Variants in PLEKHD1 observed in about 807,000 individuals in gnomAD.
The protein encoded by PLEKHD1 is pleckstrin homology and coiled-coil domain containing D1, also known as pleckstrin homology domain-containing family D member 1.
In PLEKHD1, 51 loss-of-function variants were observed where a neutral mutation model predicts 69.2. The ratio of observed to expected loss-of-function variants is 0.74; its 90% CI spans 0.59 to 0.93. PLEKHD1 has a LOEUF of 0.93. Among genes scored for constraint, PLEKHD1 ranks in the 40% least tolerant of loss-of-function variants. PLEKHD1 has a pLI of 0.00. For synonymous variants in PLEKHD1, 236 were observed against 244.7 expected (o/e 0.96, Z 0.33); for missense variants, 584 against 641.0 (o/e 0.91, Z 0.96).
chr14:69,471,267 G>T, the PLEKHD1 span, among the ~76,000 whole-genome samples: 7 of 151,444 alleles, frequency 4.6e-5, no homozygotes, highest in Non-Finnish European at 8.8e-5. Flanking sequence ...CACCACTCCC[G>T]ACTGATTTTT....
At chr14:69,511,489 T>C (rs1462391797) in intron 6 of PLEKHD1, among the ~76,000 whole-genome samples, 1 of 152,120 alleles carries the variant, frequency 6.6e-6, no homozygotes, top group Non-Finnish European at 1.5e-5. Flanking sequence ...AATATTTTGT[T>C]GAAAATTTTT....
At position 69,528,121 on chromosome 14, in the gene PLEKHD1, G is replaced by T. The variant is rs769367446; in HGVS notation, c.1352-129G>T. The T allele has an allele frequency of 7.8e-6, 11 of 1,405,494 alleles. No individual in the cohort carries two copies. The Admixed American group carries it at 1.6e-4, about 20-fold the overall frequency. The allele number at this position is 1,405,494 out of a possible 1,614,324, so 87.1% of individuals were successfully genotyped here. A position where few individuals can be genotyped will look rare whatever the true frequency, so the allele number is the denominator to read the frequency against. On this transcript the variant is annotated intron_variant, in intron 12 of 12. Transcript: ENST00000322564. Reference sequence around the variant, plus strand: ...TCTCAAAGGATATGGAAGCCCGTGTGTGTGGGAAGGGGCTGGAAGAAGCTT... The same window carrying T: ...TCTCAAAGGATATGGAAGCCCGTGTTTGTGGGAAGGGGCTGGAAGAAGCTT...
chr14:69,511,251 T>G (rs1883264975), intron 6 of PLEKHD1, among the ~76,000 whole-genome samples: 1 of 152,158 alleles, frequency 6.6e-6, no homozygotes, highest in South Asian at 2.1e-4. Flanking sequence ...CTCTGCCTCC[T>G]GGGTTCAAGC....
At chr14:69,527,640 C>A (rs755013286) in intron 11 of PLEKHD1, 143 bp from the exon 12 acceptor site, 130 of 1,121,792 alleles carry the variant, frequency 1.2e-4, no homozygotes, top group Middle Eastern at 8.7e-4. Flanking sequence ...AAGAAAGTCC[C>A]CTTCAGCAGG....
the PLEKHD1 span, among the ~76,000 whole-genome samples, chr14:69,470,501 G>A: frequency 4.0e-5 from 6 of 151,510 alleles, no homozygotes; most frequent in South Asian, 2.1e-4. Flanking sequence ...TTGAATCCAC[G>A]TCTGTCTGAC....
At position 69,486,435 on chromosome 14, in the gene PLEKHD1, C is replaced by T. The variant is rs374262231; in HGVS notation, c.149+1321C>T. 3.1e-4 allele frequency among the ~76,000 whole-genome samples: 47 copies of T among 152,226 alleles called. 1 individual carries two copies. The South Asian group carries it at 5.0e-3, about 16-fold the overall frequency. ...CCTCCAAAGTTCAGCTTATCTCTGA[C>T]CCCCTAAATGAAGGCTTGGAGCAAC... On this transcript the variant is annotated intron_variant, in intron 1 of 12. Transcript: ENST00000322564.
chr14:69,517,686 C>T (rs1883415648), intron 6 of PLEKHD1, among the ~76,000 whole-genome samples: 1 of 152,314 alleles, frequency 6.6e-6, no homozygotes, highest in East Asian at 1.9e-4. Context: ...CTGGGCCCAA[C>T]CATGTGGGCC....
intron 6 of PLEKHD1, among the ~76,000 whole-genome samples, chr14:69,506,153 C>G (rs764960868): frequency 3.9e-5 from 6 of 152,204 alleles, no homozygotes; most frequent in Non-Finnish European, 8.8e-5. Flanking sequence ...GGTTCTGTGA[C>G]GAATGACTCA....
intron 1 of PLEKHD1, among the ~76,000 whole-genome samples, chr14:69,485,497 C>G (rs1435069570): frequency 1.3e-5 from 2 of 152,160 alleles, no homozygotes; most frequent in East Asian, 3.9e-4. Flanking sequence ...ACTGTCAATT[C>G]CATCGTCTTC....
intron 1 of PLEKHD1, among the ~76,000 whole-genome samples, chr14:69,489,842 A>G (rs543525003): frequency 6.7e-6 from 1 of 149,166 alleles, no homozygotes; most frequent in East Asian, 2.0e-4. Context: ...ATACCTCTGC[A>G]CTGTTATATA....
intron 7 of PLEKHD1, 135 bp downstream of exon 7, chr14:69,522,512 T>G: frequency 1.1e-6 from 1 of 902,040 alleles, no homozygotes; most frequent in South Asian, 1.7e-5. Flanking sequence ...TCTATCCCAG[T>G]TTGAGTCTGT....
chr14:69,470,438 G>A, the PLEKHD1 span, among the ~76,000 whole-genome samples: 1 of 150,054 alleles, frequency 6.7e-6, no homozygotes, highest in African/African-American at 2.5e-5. Flanking sequence ...ACTCCAGCCT[G>A]GGTGACAGAG....
At chr14:69,498,592 T>TCTTCTCTTCTCTTCTCTTCTCTTCC (rs1555337210) in intron 1 of PLEKHD1, among the ~76,000 whole-genome samples, 3,230 of 70,706 alleles carry the variant, frequency 0.046, 101 homozygotes, top group Middle Eastern at 0.097. Flanking sequence ...TTTTGTTTTC[T>TCTTCTCTTCTCTTCTCTTCTCTTCC]CTTCTCTTCT....
intron 1 of PLEKHD1, among the ~76,000 whole-genome samples, chr14:69,491,814 A>G (rs966067877): frequency 4.6e-5 from 7 of 152,158 alleles, no homozygotes; most frequent in Admixed American, 4.6e-4. Context: ...TGGATTCCCT[A>G]ATTCATATTG....
At chr14:69,493,303 G>A (rs1253078964) in intron 1 of PLEKHD1, among the ~76,000 whole-genome samples, 1 of 152,200 alleles carries the variant, frequency 6.6e-6, no homozygotes, top group Non-Finnish European at 1.5e-5. Flanking sequence ...GTAATGAGGA[G>A]GACCAGGCAT....
chr14:69,486,245 G>A (rs1882652979), intron 1 of PLEKHD1, among the ~76,000 whole-genome samples: 1 of 152,186 alleles, frequency 6.6e-6, no homozygotes, highest in East Asian at 1.9e-4. Flanking sequence ...GGTAGTGGTG[G>A]GTGCTGATGT....
chr14:69,507,607 A>G (rs1457111760), intron 6 of PLEKHD1, among the ~76,000 whole-genome samples: 1 of 152,234 alleles, frequency 6.6e-6, no homozygotes. Context: ...AAGTAGCTGT[A>G]CCATTTTGTA....
chr14:69,528,401 C>T lies in PLEKHD1; in HGVS notation c.1503C>T (p.Leu501=), dbSNP rs1358891392. 6.4e-7 allele frequency: 1 copy of T among 1,551,070 alleles called. No homozygotes were observed. Among genetic ancestry groups the T allele is most frequent in the East Asian group, 2.4e-5 (1 of 40,922 alleles). The change falls in exon 13 of 13, where the codon CTC becomes CTT. Residue 501 remains leucine (L), a synonymous_variant. Coordinates refer to ENST00000322564, the MANE Select transcript of PLEKHD1 (RefSeq NM_001161498.2). ...MATQPGAPSA[L]SRGGK is the part of the protein sequence containing the mutation. ...CCCAGCCTGGAGCCCCCTCGGCACT[C>T]TCCCGGGGTGGAAAGTGATGGGCGC...
intron 6 of PLEKHD1, among the ~76,000 whole-genome samples, chr14:69,503,926 G>A (rs1305007156): frequency 6.6e-6 from 1 of 151,356 alleles, no homozygotes; most frequent in African/African-American, 2.4e-5. Context: ...GTTCTGAGGA[G>A]TCATTACCAC....
Sources: gnomAD v4.1 joint callset for allele counts (sites outside exome capture counted in the v4.1 genomes callset) on GRCh38, gnomAD v4.1.1 for gene constraint, MANE v1.5 for transcripts, NCBI Gene and HGNC (gene_info 2026-07-23, HGNC 2026-07-21) for gene names.